The following KALRN variants were observed in gnomAD, a reference collection of about 807,000 sequenced individuals.
KALRN encodes kalirin RhoGEF kinase, also known as kalirin.
KALRN carries 70 observed loss-of-function variants against 353.7 expected under a neutral mutation model. The ratio of observed to expected loss-of-function variants is 0.20; its 90% CI spans 0.16 to 0.24. KALRN has a LOEUF of 0.24. KALRN is among the 10% of genes least tolerant of loss of function. The pLI is 1.00. For missense variants in KALRN, 2,791 were observed against 3,756.7 expected, an observed-to-expected ratio of 0.74 and a Z score of 6.72; for synonymous variants, 1,391 against 1,434.8, an observed-to-expected ratio of 0.97 and a Z score of 0.69.
chr3:124,572,696 C>A (rs1217218143), intron 34 of KALRN, among the ~76,000 whole-genome samples: 1 of 152,160 alleles, frequency 6.6e-6, no homozygotes, highest in African/African-American at 2.4e-5. Flanking sequence ...TTATTATGTG[C>A]ACAGGCTGAT....
chr3:124,431,922 T>C (rs2150465442), intron 16 of KALRN, among the ~76,000 whole-genome samples: 1 of 152,336 alleles, frequency 6.6e-6, no homozygotes, highest in East Asian at 1.9e-4. Flanking sequence ...AGAAGAACTG[T>C]CTGGGATTTG....
At chr3:124,352,567 C>G (rs1021750342) in intron 10 of KALRN, among the ~76,000 whole-genome samples, 1 of 151,992 alleles carries the variant, frequency 6.6e-6, no homozygotes, top group Non-Finnish European at 1.5e-5. Context: ...AAAGAGCAGA[C>G]AATTTAAAGA....
At chr3:124,707,151 C>A (rs996586200) in intron 57 of KALRN, among the ~76,000 whole-genome samples, 5 of 151,890 alleles carry the variant, frequency 3.3e-5, no homozygotes, top group African/African-American at 1.2e-4. Context: ...CCAGCCTGGG[C>A]AACATGGCGA....
At chr3:124,337,928 G>A (rs2081299642) in intron 9 of KALRN, among the ~76,000 whole-genome samples, 1 of 152,154 alleles carries the variant, frequency 6.6e-6, no homozygotes, top group Admixed American at 6.5e-5. Flanking sequence ...TTGCGTAGAG[G>A]TATTTATAGT....
intron 2 of KALRN, among the ~76,000 whole-genome samples, chr3:124,233,923 G>A (rs2079462949): frequency 6.6e-6 from 1 of 152,090 alleles, no homozygotes; most frequent in Non-Finnish European, 1.5e-5. Flanking sequence ...CTTTTTTCCT[G>A]TTTAACGCCC....
intron 33 of KALRN, among the ~76,000 whole-genome samples, chr3:124,525,124 C>T (rs1196016928): frequency 2.6e-5 from 4 of 152,168 alleles, no homozygotes; most frequent in Admixed American, 1.3e-4. Context: ...TGCTTATATC[C>T]AGGCTTACTA....
At chr3:124,261,988 AC>A in intron 3 of KALRN, among the ~76,000 whole-genome samples, 1 of 152,178 alleles carries the variant, frequency 6.6e-6, no homozygotes, top group East Asian at 1.9e-4. Context: ...AAAAGCAATA[AC>A]TAGTAATCAA....
intron 25 of KALRN, among the ~76,000 whole-genome samples, chr3:124,473,109 C>A (rs1448610981): frequency 6.6e-6 from 1 of 152,194 alleles, no homozygotes; most frequent in Non-Finnish European, 1.5e-5. Flanking sequence ...TCTTTAATTG[C>A]ACATACATAT....
chr3:124,555,628 T>A (rs912117901), intron 33 of KALRN, among the ~76,000 whole-genome samples: 8 of 151,862 alleles, frequency 5.3e-5, no homozygotes, highest in Non-Finnish European at 1.0e-4. Context: ...GAAAAAAAAA[T>A]TAACAGTTAT....
intron 3 of KALRN, among the ~76,000 whole-genome samples, chr3:124,235,584 G>A (rs1296349397): frequency 6.6e-6 from 1 of 152,118 alleles, no homozygotes; most frequent in African/African-American, 2.4e-5. Flanking sequence ...AGCAATCTAG[G>A]CAGATACATG....
chr3:124,252,195 G>T (rs1336652855), intron 3 of KALRN, among the ~76,000 whole-genome samples: 1 of 152,082 alleles, frequency 6.6e-6, no homozygotes. Flanking sequence ...AATCACCAGG[G>T]GGAACTTTTA....
intron 1 of KALRN, among the ~76,000 whole-genome samples, chr3:124,215,938 A>G (rs2077286615): frequency 6.6e-6 from 1 of 152,174 alleles, no homozygotes; most frequent in Non-Finnish European, 1.5e-5. Context: ...TCTAACCTTG[A>G]CACAGTGTCA....
intron 34 of KALRN, among the ~76,000 whole-genome samples, chr3:124,576,337 G>A (rs2074090974): frequency 6.6e-6 from 1 of 152,042 alleles, no homozygotes; most frequent in East Asian, 1.9e-4. Context: ...TAGCTGCCAT[G>A]TAAGAAGTTC....
At chr3:124,649,939 C>T (rs2150090504) in intron 37 of KALRN, among the ~76,000 whole-genome samples, 1 of 149,778 alleles carries the variant, frequency 6.7e-6, no homozygotes, top group Admixed American at 6.7e-5. Context: ...GCCTGGGCAA[C>T]ATAGTGAGAC....
chr3:124,265,598 T>C (rs1171863319), intron 4 of KALRN, among the ~76,000 whole-genome samples: 1 of 152,028 alleles, frequency 6.6e-6, no homozygotes, highest in Admixed American at 6.6e-5. Context: ...CAGCCTAATT[T>C]AAGAAAATAT....
intron 57 of KALRN, among the ~76,000 whole-genome samples, chr3:124,709,256 G>A (rs1252606982): frequency 6.6e-6 from 1 of 152,026 alleles, no homozygotes; most frequent in Non-Finnish European, 1.5e-5. Context: ...AATGAAAACA[G>A]AACCTTTTTT....
chr3:124,340,446 C>G (rs933433220), intron 9 of KALRN, among the ~76,000 whole-genome samples: 1 of 152,032 alleles, frequency 6.6e-6, no homozygotes. Flanking sequence ...TCACTTGAAC[C>G]CAGTAGGTGG....
At chr3:124,540,589 C>T (rs968740081) in intron 33 of KALRN, among the ~76,000 whole-genome samples, 2 of 152,170 alleles carry the variant, frequency 1.3e-5, no homozygotes, top group African/African-American at 4.8e-5. Flanking sequence ...ATCTTTTAGT[C>T]CAACCCTTTT....
intron 1 of KALRN, among the ~76,000 whole-genome samples, chr3:124,069,264 A>G (rs2042635505): frequency 6.7e-6 from 1 of 148,578 alleles, no homozygotes; most frequent in Non-Finnish European, 1.5e-5. Flanking sequence ...TGTAGTCCAC[A>G]TTCTTTCTAT....
Sources: allele counts gnomAD v4.1 joint callset (sites outside exome capture counted in the v4.1 genomes callset), GRCh38; gene constraint gnomAD v4.1.1; transcripts MANE v1.5; gene names NCBI Gene and HGNC (gene_info 2026-07-23, HGNC 2026-07-21).